LAMA4: variants seen among roughly 807,000 people sequenced by gnomAD.
LAMA4 encodes laminin subunit alpha 4.
Under a neutral mutation model 207.1 loss-of-function variants are expected in LAMA4, and 127 were observed. That is an observed-to-expected ratio of 0.61 (90% confidence interval 0.53 to 0.71). The LOEUF is 0.71. Among genes scored for constraint, LAMA4 ranks in the 30% least tolerant of loss-of-function variants. LAMA4 has a pLI of 0.00. For missense variants in LAMA4, 2,093 were observed against 2,246.5 expected (o/e 0.93, Z 1.38); for synonymous variants, 761 against 816.0 (o/e 0.93, Z 1.15).
intron 3 of LAMA4, among the ~76,000 whole-genome samples, chr6:112,210,492 A>C (rs1226880310): frequency 1.3e-5 from 2 of 152,200 alleles, no homozygotes; most frequent in African/African-American, 4.8e-5. Flanking sequence ...TCTCCCCAAC[A>C]TGAGAAATGA....
rs560618758 is a variant in LAMA4, at chr6:112,129,808, A to C, written c.4133+68T>G. The C allele has an allele frequency of 1.8e-4, 225 of 1,237,036 alleles. 3 individuals are homozygous for C. The East Asian group carries it at 5.6e-3, about 31-fold the overall frequency. The allele number at this position is 1,237,036 out of a possible 1,614,324, so 76.6% of individuals were successfully genotyped here. A position where few individuals can be genotyped will look rare whatever the true frequency, so the allele number is the denominator to read the frequency against. On this transcript the variant is annotated intron_variant, in intron 30 of 38. Coordinates refer to ENST00000230538, the MANE Select transcript of LAMA4 (RefSeq NM_001105206.3). ...ATACATTTCATAGTTCTCAGTTTTA[A>C]TATTTTTGCTGTTGTCTTGATTTTA...
chr6:112,244,907 T>C (rs1786800797), intron 2 of LAMA4, among the ~76,000 whole-genome samples: 1 of 152,240 alleles, frequency 6.6e-6, no homozygotes, highest in Admixed American at 6.5e-5. Context: ...AGGTCTCTTA[T>C]GAATGGAATT....
At chr6:112,188,808 A>G (rs141774377) in intron 7 of LAMA4, 3 of 335,694 alleles carry the variant, frequency 8.9e-6, no homozygotes, top group African/African-American at 6.2e-5. Context: ...AAAGGAGCTG[A>G]AAAGAGCTCT....
chr6:112,191,535 G>T (rs1466264767), intron 6 of LAMA4, 101 bp downstream of exon 6: 1 of 830,190 alleles, frequency 1.2e-6, no homozygotes, highest in Non-Finnish European at 2.0e-6. Flanking sequence ...TGACAAGGGG[G>T]CACTCACAAT....
chr6:112,254,350 T>TCTCTCTCTCCCGTTCTCCCC, intron 1 of LAMA4, 59 bp from the exon 2 acceptor site: 2 of 633,168 alleles, frequency 3.2e-6, no homozygotes, highest in Admixed American at 5.1e-5. Flanking sequence ...TCTCTCCCTC[T>TCTCTCTCTCCCGTTCTCCCC]CTCTCTCTCC....
chr6:112,219,986 C>G (rs897355536), intron 2 of LAMA4, among the ~76,000 whole-genome samples: 7 of 152,096 alleles, frequency 4.6e-5, no homozygotes, highest in Admixed American at 4.6e-4. Flanking sequence ...TCTTGTTGGA[C>G]ATTTAGGTTA....
In LAMA4 at chr6:112,158,664, A is replaced by G. The variant is rs1274973262; in HGVS notation, c.1817+68T>C. Reference sequence around the variant, plus strand: ...AATTGTATCCCAGTAGTTCTGACATATGGAATTGAATAGTAATATTTTATT... The same window carrying G: ...AATTGTATCCCAGTAGTTCTGACATGTGGAATTGAATAGTAATATTTTATT... On this transcript the variant is annotated intron_variant, in intron 14 of 38. Coordinates refer to ENST00000230538, the MANE Select transcript of LAMA4 (RefSeq NM_001105206.3). 5 of 1,409,320 alleles carry G rather than the reference A, an allele frequency of 3.5e-6. No homozygotes were observed. The African/African-American group carries it at 7.1e-5, about 20-fold the overall frequency. The allele number at this position is 1,409,320 out of a possible 1,614,324, so 87.3% of individuals were successfully genotyped here.
chr6:112,183,303 A>C (rs1404957323), intron 9 of LAMA4, among the ~76,000 whole-genome samples: 1 of 152,214 alleles, frequency 6.6e-6, no homozygotes, highest in Non-Finnish European at 1.5e-5. Context: ...AGTCATTAAG[A>C]CCAGCCCTGG....
chr6:112,135,901 A>G (rs1779309997), intron 25 of LAMA4: 2 of 475,940 alleles, frequency 4.2e-6, no homozygotes, highest in Admixed American at 6.7e-5. Context: ...GGAATCTTTC[A>G]GTGACTTTTA....
intron 16 of LAMA4, among the ~76,000 whole-genome samples, chr6:112,151,210 A>G (rs1780383838): frequency 6.6e-6 from 1 of 152,136 alleles, no homozygotes; most frequent in African/African-American, 2.4e-5. Flanking sequence ...TTTGAATTCT[A>G]TCTCCATCTG....
intron 2 of LAMA4, among the ~76,000 whole-genome samples, chr6:112,247,105 A>C (rs1562109088): frequency 6.6e-6 from 1 of 152,234 alleles, no homozygotes; most frequent in African/African-American, 2.4e-5. Flanking sequence ...AGAGAGTGGA[A>C]AAATGAGGGA....
Position 112,140,761 on chromosome 6 carries a change from T to C in LAMA4, c.2975A>G (p.Lys992Arg). The C allele has an allele frequency of 6.2e-7, 1 of 1,613,888 alleles. No homozygotes were observed. The change falls in exon 22 of 39, where the codon AAG becomes AGG. Residue 992 changes from lysine to arginine, a missense_variant and splice_region_variant. Physicochemically the swap from Lys to Arg is conservative, Grantham distance 26. This residue lies in a region of LAMA4 where 1,704 missense variants were observed against 1,788.4 expected (regional missense o/e 0.95). Coordinates refer to ENST00000230538, the MANE Select transcript of LAMA4 (RefSeq NM_001105206.3). ...TCAAAATATAGCTGTATGGCTGACCTTGAAGTTGGAAGGCACTCCACCAAC... is the reference window on the plus strand; with the variant it reads ...TCAAAATATAGCTGTATGGCTGACCCTGAAGTTGGAAGGCACTCCACCAAC... ...FYVGGVPSNFKLPTSLNLPGF... is the reference protein window; with the variant it reads ...FYVGGVPSNFRLPTSLNLPGF...
intron 24 of LAMA4, among the ~76,000 whole-genome samples, chr6:112,138,547 A>G (rs1779489099): frequency 6.6e-6 from 1 of 152,174 alleles, no homozygotes; most frequent in Non-Finnish European, 1.5e-5. Context: ...TTTAGTGAGA[A>G]AAACATTTCT....
At chr6:112,181,744 A>T in intron 9 of LAMA4, among the ~76,000 whole-genome samples, 1 of 152,188 alleles carries the variant, frequency 6.6e-6, no homozygotes, top group East Asian at 1.9e-4. Flanking sequence ...TTTCCCTGCT[A>T]GACTGAAGCA....
chr6:112,182,927 A>C (rs919003759), intron 9 of LAMA4, among the ~76,000 whole-genome samples: 1 of 152,182 alleles, frequency 6.6e-6, no homozygotes, highest in African/African-American at 2.4e-5. Context: ...TTATGAACAC[A>C]GATGGATGGG....
chr6:112,222,762 T>C (rs1363645356), intron 2 of LAMA4, among the ~76,000 whole-genome samples: 1 of 152,218 alleles, frequency 6.6e-6, no homozygotes, highest in Non-Finnish European at 1.5e-5. Context: ...CCAACAGCCT[T>C]GGCGTGTGTT....
At chr6:112,243,554 C>T (rs965316662) in intron 2 of LAMA4, among the ~76,000 whole-genome samples, 8 of 152,072 alleles carry the variant, frequency 5.3e-5, no homozygotes, top group African/African-American at 1.9e-4. Flanking sequence ...CTTTACCTGG[C>T]AAGGGTGATC....
At chr6:112,174,855 A>C (rs1481490569) in intron 11 of LAMA4, among the ~76,000 whole-genome samples, 1 of 152,226 alleles carries the variant, frequency 6.6e-6, no homozygotes, top group Non-Finnish European at 1.5e-5. Flanking sequence ...CAATAATACT[A>C]CTGTGATTTG....
At chr6:112,130,661 A>G (rs1236454443) in intron 29 of LAMA4, among the ~76,000 whole-genome samples, 2 of 152,114 alleles carry the variant, frequency 1.3e-5, no homozygotes, top group African/African-American at 4.8e-5. Flanking sequence ...AGCTCCTTCT[A>G]TGTGCAAAAT....
Sources: allele counts gnomAD v4.1 joint callset (sites outside exome capture counted in the v4.1 genomes callset), GRCh38; gene constraint gnomAD v4.1.1; regional missense constraint gnomAD v4.1.1; transcripts MANE v1.5; gene names NCBI Gene and HGNC (gene_info 2026-07-23, HGNC 2026-07-21).